The following CNOT10 variants were observed in gnomAD, a reference collection of about 807,000 sequenced individuals.
CNOT10 encodes the protein CCR4-NOT transcription complex subunit 10.
Under a neutral mutation model 94.6 loss-of-function variants are expected in CNOT10, and 30 were observed. The observed-to-expected ratio is 0.32, with a 90% CI of 0.24 to 0.43. CNOT10 has a LOEUF of 0.43. Ranked by LOEUF, CNOT10 falls within the 20% of genes least tolerant of loss-of-function variation. The probability of loss-of-function intolerance (pLI) is 1.00; values close to 1 mark genes in which losing one functional copy is unlikely to be tolerated. For missense variants in CNOT10, 759 were observed against 877.2 expected (o/e 0.87, Z 1.70); for synonymous variants, 289 against 301.6 (o/e 0.96, Z 0.43).
At chr3:32,716,198 G>C in intron 5 of CNOT10, 27 bp from the exon 6 acceptor site, 1 of 1,239,382 alleles carries the variant, frequency 8.1e-7, no homozygotes. Context: ...ATTTAATTTT[G>C]ATAAACTTTG....
intron 8 of CNOT10, among the ~76,000 whole-genome samples, chr3:32,723,649 C>G (rs1698522446): frequency 6.6e-6 from 1 of 152,090 alleles, no homozygotes. Context: ...AATGTAAACA[C>G]ACATACACAT....
chr3:32,685,394 G>A lies in CNOT10; in HGVS notation c.-67G>A, dbSNP rs988974914. ...GTTGTCCTCGGAGGTCCAGGACAGC[G>A]GCCAGCCCGGCGGCGGGAGTCAGGG... On this transcript the variant is annotated 5_prime_UTR_variant, in exon 1 of 19. Transcript: ENST00000328834. The A allele has an allele frequency of 6.5e-7, 1 of 1,541,552 alleles. No homozygotes were observed. The highest frequency in any genetic ancestry group is 8.8e-7 in the Non-Finnish European group (1 of 1,139,182).
intron 10 of CNOT10, among the ~76,000 whole-genome samples, chr3:32,729,976 G>T (rs941777113): frequency 2.0e-5 from 3 of 151,246 alleles, no homozygotes; most frequent in Non-Finnish European, 4.4e-5. Context: ...CACCGTTTTA[G>T]CCGGGATGGT....
At chr3:32,733,369 A>G (rs957861114) in intron 10 of CNOT10, 54 bp from the exon 11 acceptor site, 7 of 1,351,436 alleles carry the variant, frequency 5.2e-6, no homozygotes, top group Admixed American at 2.4e-5. Flanking sequence ...CTCATTTTTT[A>G]TACCACATCT....
intron 10 of CNOT10, chr3:32,730,657 A>G (rs1269322936): frequency 6.6e-6 from 1 of 152,234 alleles, no homozygotes; most frequent in African/African-American, 2.4e-5. Flanking sequence ...TGTTTTATTT[A>G]GTCAGGACAG....
intron 4 of CNOT10, among the ~76,000 whole-genome samples, chr3:32,711,999 T>G (rs113986431): frequency 9.2e-5 from 14 of 152,178 alleles, no homozygotes; most frequent in African/African-American, 3.4e-4. Context: ...TCCTTTTATC[T>G]TCTTTTTTGA....
intron 7 of CNOT10, among the ~76,000 whole-genome samples, chr3:32,719,425 A>T (rs570353668): frequency 2.4e-4 from 36 of 152,254 alleles, no homozygotes; most frequent in Middle Eastern, 3.4e-3. Flanking sequence ...GTCTCAATCA[A>T]TCAATCACTC....
chr3:32,721,820 G>A (rs1225100182), intron 8 of CNOT10, among the ~76,000 whole-genome samples: 1 of 149,774 alleles, frequency 6.7e-6, no homozygotes, highest in South Asian at 2.1e-4. Context: ...CTAATTTTTT[G>A]TATTTTTTTT....
chr3:32,692,768 G>A (rs1189722720), intron 1 of CNOT10, among the ~76,000 whole-genome samples: 1 of 152,130 alleles, frequency 6.6e-6, no homozygotes, highest in Admixed American at 6.5e-5. Flanking sequence ...CTCCTGGGCT[G>A]GGTACAGTGA....
chr3:32,765,049 G>A, intron 17 of CNOT10: 1 of 1,338,636 alleles, frequency 7.5e-7, no homozygotes, highest in African/African-American at 1.5e-5. Context: ...TTTTTTGCCA[G>A]GCACAGTGGC....
chr3:32,712,514 A>C (rs930640596), intron 4 of CNOT10, among the ~76,000 whole-genome samples: 1 of 152,262 alleles, frequency 6.6e-6, no homozygotes, highest in African/African-American at 2.4e-5. Flanking sequence ...AAATGCTACC[A>C]TGAGCATTTT....
In CNOT10 at chr3:32,737,946, TA is replaced by T. The variant is rs1413852702; in HGVS notation, c.1595+457del. Among the ~76,000 whole-genome samples the T allele has an allele frequency of 2.6e-5, 4 of 152,232 alleles. No homozygotes were observed. In the East Asian group the frequency reaches 7.7e-4, roughly 29 times the overall value. On this transcript the variant is annotated intron_variant, in intron 13 of 18. Transcript: ENST00000328834. ...ATGTATTTTCTTTTGTATAAATTTT[TA>T]GATTTGATTTGTTAATACTTTGTTG...
At chr3:32,768,649 G>A (rs745895022) in intron 17 of CNOT10, among the ~76,000 whole-genome samples, 1 of 152,054 alleles carries the variant, frequency 6.6e-6, no homozygotes, top group Non-Finnish European at 1.5e-5. Context: ...TAGAAAGCTA[G>A]GCTTAGATAT....
chr3:32,716,630 C>T (rs1027339950), intron 6 of CNOT10, among the ~76,000 whole-genome samples: 1 of 151,924 alleles, frequency 6.6e-6, no homozygotes, highest in Admixed American at 6.6e-5. Context: ...GATTTTTGCC[C>T]GGAACTTGAG....
chr3:32,717,102 C>A, intron 6 of CNOT10, 52 bp from the exon 7 acceptor site: 1 of 1,036,416 alleles, frequency 9.6e-7, no homozygotes, highest in Non-Finnish European at 1.5e-6. Flanking sequence ...GAAAGTAAAA[C>A]TGTATGTAAA....
intron 8 of CNOT10, among the ~76,000 whole-genome samples, chr3:32,721,367 A>G (rs182088717): frequency 1.5e-5 from 2 of 133,176 alleles, no homozygotes; most frequent in East Asian, 4.8e-4. Context: ...TGGCCCTTTC[A>G]TTTGTTTTTG....
intron 13 of CNOT10, 53 bp from the exon 14 acceptor site, chr3:32,759,405 C>A: frequency 8.1e-7 from 1 of 1,239,452 alleles, no homozygotes; most frequent in Non-Finnish European, 1.2e-6. Flanking sequence ...GCAAATATAA[C>A]CATTATCAAT....
intron 1 of CNOT10, among the ~76,000 whole-genome samples, 198 bp downstream of exon 1, chr3:32,685,680 A>G (rs140259281): frequency 9.2e-5 from 14 of 152,216 alleles, no homozygotes; most frequent in Non-Finnish European, 1.5e-4. Context: ...GTTTTACTCA[A>G]GTGCAGTATT....
chr3:32,695,438 C>A, intron 1 of CNOT10: 2 of 754,096 alleles, frequency 2.7e-6, no homozygotes, highest in South Asian at 2.8e-5. Context: ...GTTTTCTTTT[C>A]TTGATATATC....
Sources: allele counts gnomAD v4.1 joint callset (sites outside exome capture counted in the v4.1 genomes callset), GRCh38; gene constraint gnomAD v4.1.1; transcripts MANE v1.5; gene names NCBI Gene and HGNC (gene_info 2026-07-23, HGNC 2026-07-21).